Variants in BDP1 observed in about 807,000 individuals in gnomAD.
BDP1 encodes the protein transcription factor TFIIIB component B'' homolog.
In BDP1, 169 loss-of-function variants were observed where a neutral mutation model predicts 266.6. The observed-to-expected ratio is 0.63, with a 90% CI of 0.56 to 0.72. BDP1 has a LOEUF of 0.72. BDP1 is among the 30% of genes least tolerant of loss of function. The pLI is 0.00. For synonymous variants in BDP1, 1,090 were observed against 1,022.4 expected, an observed-to-expected ratio of 1.07 and a Z score of -1.26; for missense variants, 3,015 against 3,053.8, an observed-to-expected ratio of 0.99 and a Z score of 0.30.
rs903314194 is a variant in BDP1, at chr5:71,530,499, C to T, written c.5773-1809C>T. On this transcript the variant is annotated intron_variant, in intron 25 of 38. Coordinates refer to ENST00000358731, the MANE Select transcript of BDP1 (RefSeq NM_018429.3). ...GCTCAAACAATCTGCCAACCTCAGC[C>T]TCCCAAAGTGCTGGGATTACAGGCA... Among the ~76,000 whole-genome samples the T allele has an allele frequency of 2.0e-5, 3 of 152,140 alleles. No individual in the cohort carries two copies. In the East Asian group the frequency reaches 5.8e-4, roughly 29 times the overall value.
chr5:71,506,635 A>G (rs76730637), intron 16 of BDP1, among the ~76,000 whole-genome samples: 2,379 of 152,078 alleles, frequency 0.016, 55 homozygotes, highest in African/African-American at 0.054. Flanking sequence ...ACTTTATTAG[A>G]TAAACTAGTG....
chr5:71,463,836 A>G (rs1761719750), intron 3 of BDP1, among the ~76,000 whole-genome samples: 2 of 151,950 alleles, frequency 1.3e-5, no homozygotes. Flanking sequence ...TATTAAAAAA[A>G]AAAAAAAAAA....
chr5:71,551,900 GGGCTGAC>G (rs1478198654), intron 34 of BDP1, among the ~76,000 whole-genome samples: 1 of 148,444 alleles, frequency 6.7e-6, no homozygotes, highest in Non-Finnish European at 1.5e-5. Flanking sequence ...GCCAGGCGGG[GGGCTGAC>G]CCCCCCACCT....
chr5:71,539,742 T>G, intron 28 of BDP1, 93 bp downstream of exon 28: 1 of 745,398 alleles, frequency 1.3e-6, no homozygotes, highest in Non-Finnish European at 2.1e-6. Context: ...CCCTTTTACC[T>G]TTGAAGTTGT....
chr5:71,512,736 A>G (rs560644166), intron 18 of BDP1, among the ~76,000 whole-genome samples: 1 of 152,220 alleles, frequency 6.6e-6, no homozygotes, highest in African/African-American at 2.4e-5. Context: ...GATCTGCCAG[A>G]TAGTTCGATT....
chr5:71,546,214 G>C (rs1742289920), intron 32 of BDP1, among the ~76,000 whole-genome samples: 1 of 152,016 alleles, frequency 6.6e-6, no homozygotes, highest in African/African-American at 2.4e-5. Flanking sequence ...TTTAAACTTA[G>C]AAGTTACAAA....
chr5:71,485,777 A>AAT lies in BDP1; in HGVS notation c.1070-707_1070-706insAT, dbSNP rs1398090431. ...ACTTCCCACTTTGCTGATACTTATAAGAGTAAATGGTGAAATGGTTGTGAT... is the reference window on the plus strand; with the variant it reads ...ACTTCCCACTTTGCTGATACTTATAAATGAGTAAATGGTGAAATGGTTGTGAT... On this transcript the variant is annotated intron_variant, in intron 8 of 38. Coordinates refer to ENST00000358731, the MANE Select transcript of BDP1 (RefSeq NM_018429.3). 9.8e-5 allele frequency among the ~76,000 whole-genome samples: 15 copies of AAT among 152,296 alleles called. No individual in the cohort carries two copies. In the East Asian group the frequency reaches 1.9e-3, roughly 20 times the overall value.
intron 5 of BDP1, among the ~76,000 whole-genome samples, 172 bp downstream of exon 5, chr5:71,466,393 AGTAATTTTT>A (rs1761905045): frequency 6.6e-6 from 1 of 152,184 alleles, no homozygotes; most frequent in South Asian, 2.1e-4. Context: ...TGTAAATTTT[AGTAATTTTT>A]ATAACTATTT....
intron 7 of BDP1, among the ~76,000 whole-genome samples, chr5:71,481,419 A>G (rs1402675442): frequency 7.4e-6 from 1 of 135,900 alleles, no homozygotes; most frequent in Non-Finnish European, 1.6e-5. Context: ...AAAAAAAGCC[A>G]GGCTTGGTGG....
intron 15 of BDP1, among the ~76,000 whole-genome samples, chr5:71,504,288 GA>G (rs1314127467): frequency 2.1e-4 from 28 of 136,324 alleles, no homozygotes; most frequent in African/African-American, 5.9e-4. Flanking sequence ...AAAAAAAAAA[GA>G]AAAAAAAATT....
At chr5:71,546,560 G>T (rs1412393497) in intron 32 of BDP1, among the ~76,000 whole-genome samples, 1 of 133,980 alleles carries the variant, frequency 7.5e-6, no homozygotes, top group Non-Finnish European at 1.5e-5. Flanking sequence ...AGAGGTTGCA[G>T]TGGCCAAAGA....
chr5:71,460,415 G>C (rs928439208), intron 2 of BDP1, among the ~76,000 whole-genome samples: 1 of 152,152 alleles, frequency 6.6e-6, no homozygotes. Context: ...CTAGTGTCAT[G>C]AAAATAGTAA....
At chr5:71,474,819 C>T (rs955274744) in intron 7 of BDP1, among the ~76,000 whole-genome samples, 6 of 147,380 alleles carry the variant, frequency 4.1e-5, no homozygotes, top group Admixed American at 1.4e-4. Flanking sequence ...TGCACTCCAG[C>T]GTAGGCAACA....
At chr5:71,560,894 T>C (rs1170292503) in intron 37 of BDP1, among the ~76,000 whole-genome samples, 2 of 152,220 alleles carry the variant, frequency 1.3e-5, no homozygotes, top group African/African-American at 2.4e-5. Flanking sequence ...GTTTTTGTTA[T>C]CTAAATTATA....
At chr5:71,476,345 A>G (rs922854059) in intron 7 of BDP1, 1 of 152,306 alleles carries the variant, frequency 6.6e-6, no homozygotes, top group African/African-American at 2.4e-5. Context: ...AAAGGATATT[A>G]TAAGGGATAC....
chr5:71,511,375 T>C lies in BDP1; in HGVS notation c.4059+224T>C, dbSNP rs1414442012. Reference sequence around the variant, plus strand: ...GGGCACACCTTTAAACCCAACACTTTGGGAGGCCAAGGTGGAAGGATTACT... The same window carrying C: ...GGGCACACCTTTAAACCCAACACTTCGGGAGGCCAAGGTGGAAGGATTACT... On this transcript the variant is annotated intron_variant, in intron 17 of 38. Transcript: ENST00000358731. 2.3e-5 allele frequency: 11 copies of C among 483,616 alleles called. No individual in the cohort carries two copies. The Admixed American group carries it at 3.5e-4, about 15-fold the overall frequency. The allele number at this position is 483,616 out of a possible 1,614,324, so 30.0% of individuals were successfully genotyped here.
chr5:71,458,509 C>T, intron 1 of BDP1, 70 bp from the exon 2 acceptor site: 1 of 1,168,794 alleles, frequency 8.6e-7, no homozygotes, highest in Non-Finnish European at 1.2e-6. Context: ...TTTCACCAGA[C>T]TAGGTTTTAA....
intron 16 of BDP1, among the ~76,000 whole-genome samples, chr5:71,507,150 G>A (rs1362074250): frequency 1.3e-5 from 2 of 151,998 alleles, no homozygotes; most frequent in African/African-American, 4.8e-5. Flanking sequence ...CTTAAACTCC[G>A]TGTTTTAGAA....
intron 25 of BDP1, among the ~76,000 whole-genome samples, chr5:71,531,569 C>T (rs1040642366): frequency 6.6e-6 from 1 of 152,122 alleles, no homozygotes; most frequent in Non-Finnish European, 1.5e-5. Context: ...AGTGCAGTGG[C>T]ATAATCTCGG....
Sources: gnomAD v4.1 joint callset for allele counts (sites outside exome capture counted in the v4.1 genomes callset) on GRCh38, gnomAD v4.1.1 for gene constraint, MANE v1.5 for transcripts, NCBI Gene and HGNC (gene_info 2026-07-23, HGNC 2026-07-21) for gene names.